The following IQCB1 variants were observed in gnomAD, a reference collection of about 807,000 sequenced individuals.
The protein encoded by IQCB1 is IQ calmodulin-binding motif-containing protein 1.
IQCB1 carries 56 observed loss-of-function variants against 84.4 expected under a neutral mutation model. The ratio of observed to expected loss-of-function variants is 0.66; its 90% CI spans 0.54 to 0.83. The LOEUF (loss-of-function observed/expected upper bound fraction) is 0.83, where lower values mean the gene tolerates loss of function less well. Among genes scored for constraint, IQCB1 ranks in the 40% least tolerant of loss-of-function variants. IQCB1 has a pLI of 0.00. For missense variants in IQCB1, 629 were observed against 682.1 expected, an observed-to-expected ratio of 0.92 and a Z score of 0.87; for synonymous variants, 210 against 234.8, an observed-to-expected ratio of 0.89 and a Z score of 0.96.
intron 10 of IQCB1, among the ~76,000 whole-genome samples, chr3:121,791,524 A>G (rs1005244489): frequency 3.3e-5 from 5 of 152,192 alleles, no homozygotes; most frequent in African/African-American, 9.7e-5. Flanking sequence ...TCAAAAGTGT[A>G]TGTGTGTCAA....
At chr3:121,833,095 G>T (rs560065410) in intron 2 of IQCB1, among the ~76,000 whole-genome samples, 1 of 152,254 alleles carries the variant, frequency 6.6e-6, no homozygotes, top group South Asian at 2.1e-4. Flanking sequence ...CTTCATGAGG[G>T]CAACCTACCT....
chr3:121,833,997 G>A (rs768835599), intron 2 of IQCB1: 1 of 152,148 alleles, frequency 6.6e-6, no homozygotes, highest in Non-Finnish European at 1.5e-5. Flanking sequence ...TTTGAACAAT[G>A]AGCATACTTA....
At chr3:121,828,350 C>T in intron 4 of IQCB1, 120 bp downstream of exon 4, 1 of 842,132 alleles carries the variant, frequency 1.2e-6, no homozygotes, top group Non-Finnish European at 2.0e-6. Flanking sequence ...AAAAGTACAA[C>T]CAAAACCTAC....
At chr3:121,831,010 T>C (rs137951971) in intron 2 of IQCB1, among the ~76,000 whole-genome samples, 1 of 152,306 alleles carries the variant, frequency 6.6e-6, no homozygotes, top group East Asian at 1.9e-4. Flanking sequence ...GCCTATCCAT[T>C]GAAATCTCCA....
chr3:121,829,148 G>A (rs2108644848), intron 2 of IQCB1, among the ~76,000 whole-genome samples, 176 bp from the exon 3 acceptor site: 1 of 152,258 alleles, frequency 6.6e-6, no homozygotes, highest in East Asian at 1.9e-4. Context: ...TTTCTAACCA[G>A]TGTAAAAGAG....
intron 13 of IQCB1, among the ~76,000 whole-genome samples, chr3:121,775,171 GT>G: frequency 6.6e-6 from 1 of 152,286 alleles, no homozygotes; most frequent in African/African-American, 2.4e-5. Context: ...AAATCTTTCA[GT>G]TGTGGTTCTG....
chr3:121,770,451 C>T lies in IQCB1; in HGVS notation c.1691G>A (p.Trp564Ter). 1 of 1,614,216 alleles carries T rather than the reference C, an allele frequency of 6.2e-7. No homozygotes were observed. The highest frequency in any genetic ancestry group is 8.5e-7 in the Non-Finnish European group (1 of 1,180,024). Residue 564 changes from tryptophan (W) to a stop codon, truncating the protein, a stop_gained, in exon 15 of 15, where the codon TGG becomes TAG. Transcript: ENST00000310864. LOFTEE classifies it high-confidence loss of function. ...LTTLKHIQAP[W>*]WKKLGEESGD... ...AGATTCTTCTCCAAGCTTCTTCCAC[C>T]AGGGTGCTTGTATGTGCTTCAGGGT... is the stretch of plus-strand genomic sequence containing the variant.
chr3:121,815,510 A>G (rs190560230), intron 5 of IQCB1, among the ~76,000 whole-genome samples: 104 of 152,192 alleles, frequency 6.8e-4, no homozygotes, highest in African/African-American at 2.3e-3. Context: ...AGAAAACCCC[A>G]TCGTCTCAGC....
At position 121,770,335 on chromosome 3, in the gene IQCB1, G is replaced by A; in HGVS notation, c.*10C>T. On this transcript the variant is annotated 3_prime_UTR_variant, in exon 15 of 15. Coordinates refer to ENST00000310864, the MANE Select transcript of IQCB1 (RefSeq NM_001023570.4). ...AATATGAGATTTGTGTCAATTCTTAGGGTTACTCACTAAGGTGGTTTGGTT... is the reference window on the plus strand; with the variant it reads ...AATATGAGATTTGTGTCAATTCTTAAGGTTACTCACTAAGGTGGTTTGGTT... The A allele has an allele frequency of 6.5e-7, 1 of 1,543,772 alleles. No individual in the cohort carries two copies. Among genetic ancestry groups the A allele is most frequent in the Non-Finnish European group, 9.0e-7 (1 of 1,116,396 alleles).
At chr3:121,818,035 C>T (rs1416674347) in intron 5 of IQCB1, among the ~76,000 whole-genome samples, 1 of 152,148 alleles carries the variant, frequency 6.6e-6, no homozygotes, top group Non-Finnish European at 1.5e-5. Flanking sequence ...AAATAAATGT[C>T]TTTAAGTCAC....
intron 7 of IQCB1, 102 bp downstream of exon 7, chr3:121,807,242 T>TTATAAACGAGTATATAGTGCATATACTTG (rs1949631953): frequency 1.4e-6 from 1 of 721,536 alleles, no homozygotes. Flanking sequence ...TGTATATACA[T>TTATAAACGAGTATATAGTGCATATACTTG]TATATACAAA....
intron 4 of IQCB1, among the ~76,000 whole-genome samples, chr3:121,827,438 G>A (rs1398128800): frequency 1.3e-5 from 2 of 151,872 alleles, no homozygotes; most frequent in Non-Finnish European, 2.9e-5. Flanking sequence ...TTTTGATTGA[G>A]AAGATTAACA....
chr3:121,787,664 T>C (rs1349808729), intron 12 of IQCB1, among the ~76,000 whole-genome samples: 3 of 151,732 alleles, frequency 2.0e-5, no homozygotes, highest in Non-Finnish European at 4.4e-5. Flanking sequence ...GGCAGGAGAA[T>C]TGCTTGAACC....
At chr3:121,823,825 C>A (rs1334917978) in intron 5 of IQCB1, among the ~76,000 whole-genome samples, 1 of 152,060 alleles carries the variant, frequency 6.6e-6, no homozygotes, top group Non-Finnish European at 1.5e-5. Flanking sequence ...TCTTTCATTT[C>A]TTTAAATTAT....
In IQCB1 at chr3:121,770,638, G is replaced by T. The variant is rs532487183; in HGVS notation, c.1568-64C>A. Reference sequence around the variant, plus strand: ...CCTATGCCAAGCAGGTAGGAACTTGGAAGCTACAGAGCTGTAACTCTGCAG... The same window carrying T: ...CCTATGCCAAGCAGGTAGGAACTTGTAAGCTACAGAGCTGTAACTCTGCAG... On this transcript the variant is annotated intron_variant, in intron 14 of 14. Transcript: ENST00000310864. 303 of 1,227,494 alleles carry T rather than the reference G, an allele frequency of 2.5e-4. 3 individuals carry two copies. The South Asian group carries it at 3.5e-3, about 14-fold the overall frequency. The allele number at this position is 1,227,494 out of a possible 1,614,324, so 76.0% of individuals were successfully genotyped here.
chr3:121,776,622 C>T (rs1456052941), intron 13 of IQCB1, among the ~76,000 whole-genome samples: 1 of 152,148 alleles, frequency 6.6e-6, no homozygotes, highest in African/African-American at 2.4e-5. Flanking sequence ...GTTACCCAGG[C>T]TGGTCTCAAA....
At chr3:121,819,266 C>T (rs988827456) in intron 5 of IQCB1, among the ~76,000 whole-genome samples, 3 of 152,178 alleles carry the variant, frequency 2.0e-5, no homozygotes, top group African/African-American at 7.2e-5. Context: ...AATCATCAGG[C>T]ATTAGATTCT....
At chr3:121,815,064 G>A (rs965145177) in intron 5 of IQCB1, among the ~76,000 whole-genome samples, 2 of 152,136 alleles carry the variant, frequency 1.3e-5, no homozygotes, top group East Asian at 1.9e-4. Context: ...TATCAACTAT[G>A]ATTAAGTCGG....
chr3:121,833,955 C>T (rs1708104100), intron 2 of IQCB1: 2 of 152,140 alleles, frequency 1.3e-5, no homozygotes, highest in Admixed American at 1.3e-4. Context: ...TCCAACAACT[C>T]TAAGGAACAG....
Sources: gnomAD v4.1 joint callset for allele counts (sites outside exome capture counted in the v4.1 genomes callset) on GRCh38, gnomAD v4.1.1 for gene constraint, MANE v1.5 for transcripts, NCBI Gene and HGNC (gene_info 2026-07-23, HGNC 2026-07-21) for gene names.